PCGF3: variants seen among roughly 807,000 people sequenced by gnomAD.
PCGF3 encodes the protein polycomb group RING finger protein 3.
A neutral mutation model predicts 33.1 loss-of-function variants in PCGF3; 7 were observed. The ratio of observed to expected loss-of-function variants is 0.21; its 90% CI spans 0.12 to 0.40. The LOEUF (loss-of-function observed/expected upper bound fraction) is 0.40. PCGF3 is among the 10% of genes least tolerant of loss of function. PCGF3 has a pLI of 1.00. For synonymous variants in PCGF3, 153 were observed against 121.3 expected, an observed-to-expected ratio of 1.26 and a Z score of -1.72; for missense variants, 211 against 313.3, an observed-to-expected ratio of 0.67 and a Z score of 2.46.
At chr4:764,532 AGGGCTGCTCATG>A (rs1373842745) in intron 9 of PCGF3, 4 of 155,588 alleles carry the variant, frequency 2.6e-5, no homozygotes, top group African/African-American at 7.2e-5. Context: ...CGGAGCTGTC[AGGGCTGCTCATG>A]GGGCTGCAAA....
intron 6 of PCGF3, among the ~76,000 whole-genome samples, chr4:738,831 G>T (rs560062070): frequency 6.6e-6 from 1 of 151,634 alleles, no homozygotes; most frequent in Non-Finnish European, 1.5e-5. Flanking sequence ...TGCACTCCAG[G>T]CTGGGCGACA....
intron 8 of PCGF3, among the ~76,000 whole-genome samples, chr4:760,128 G>A (rs1744968854): frequency 6.6e-6 from 1 of 152,340 alleles, no homozygotes; most frequent in South Asian, 2.1e-4. Flanking sequence ...GGCCTTTAAT[G>A]GGCTGTGCTC....
In PCGF3 at chr4:734,865, G is replaced by A. The variant is rs914372023; in HGVS notation, c.110-66G>A. Reference sequence around the variant, plus strand: ...CTCAGAGACGCCCGTGTTCAGTGGAGCACGCCGATGGGGTGGGCGCCCTGG... The same window carrying A: ...CTCAGAGACGCCCGTGTTCAGTGGAACACGCCGATGGGGTGGGCGCCCTGG... On this transcript the variant is annotated intron_variant, in intron 4 of 10. Transcript: ENST00000362003. 9.6e-6 allele frequency: 15 copies of A among 1,564,286 alleles called. No individual in the cohort carries two copies. The African/African-American group carries it at 1.7e-4, about 18-fold the overall frequency.
rs899256986 is a variant in PCGF3, at chr4:734,302, A to G, written c.109+513A>G. On this transcript the variant is annotated intron_variant, in intron 4 of 10. Transcript: ENST00000362003. ...AGGCTGAGGCTCGGCTCTTATGCTA[A>G]CCTGAGGCCCCATGGCTGGCGGCCC... 105 of 1,448,170 alleles carry G rather than the reference A, an allele frequency of 7.3e-5. No individual in the cohort carries two copies. The African/African-American group carries it at 1.4e-3, about 20-fold the overall frequency. 89.7% of individuals were successfully genotyped at this position (1,448,170 alleles called of 1,614,324 possible).
chr4:752,037 T>C (rs914836899), intron 8 of PCGF3, among the ~76,000 whole-genome samples: 5 of 152,264 alleles, frequency 3.3e-5, no homozygotes, highest in African/African-American at 9.6e-5. Flanking sequence ...CTCACAACGA[T>C]GTCTTCTAAA....
chr4:761,980 C>T lies in PCGF3; in HGVS notation c.600+564C>T, dbSNP rs941446226. 24 of 985,326 alleles carry T rather than the reference C, an allele frequency of 2.4e-5. No homozygotes were observed. The African/African-American group carries it at 3.7e-4, about 15-fold the overall frequency. The allele number at this position is 985,326 out of a possible 1,614,324, so 61.0% of individuals were successfully genotyped here. On this transcript the variant is annotated intron_variant, in intron 9 of 10. Coordinates refer to ENST00000362003, the Ensembl canonical transcript of PCGF3. Reference sequence around the variant, plus strand: ...GGTCTGGTGTCGTTTTTGAAAATCGCTCAGGCTGTGCAGAAATGGACGCAG... The same window carrying T: ...GGTCTGGTGTCGTTTTTGAAAATCGTTCAGGCTGTGCAGAAATGGACGCAG...
intron 5 of PCGF3, among the ~76,000 whole-genome samples, chr4:736,516 T>A (rs1255085723): frequency 1.1e-4 from 16 of 140,438 alleles, no homozygotes; most frequent in African/African-American, 8.2e-5. Context: ...AGGGACGGTG[T>A]CCCCTGAGCG....
chr4:731,275 A>G (rs1283271624), intron 3 of PCGF3, 165 bp downstream of exon 3: 7 of 398,072 alleles, frequency 1.8e-5, no homozygotes, highest in Non-Finnish European at 3.1e-5. Flanking sequence ...TGAGAGTCCA[A>G]GGTCCAGCCA....
intron 8 of PCGF3, among the ~76,000 whole-genome samples, chr4:752,368 CTTTT>C (rs1052751456): frequency 6.6e-6 from 1 of 152,240 alleles, no homozygotes; most frequent in East Asian, 1.9e-4. Context: ...TTGCTCTCAT[CTTTT>C]TTTAAGTATA....
At chr4:722,053 C>G (rs558338550) in intron 1 of PCGF3, among the ~76,000 whole-genome samples, 10 of 152,190 alleles carry the variant, frequency 6.6e-5, no homozygotes, top group Admixed American at 1.3e-4. Context: ...CGGAGCACAT[C>G]GCGTAGTGCA....
chr4:753,339 C>G (rs1744610287), intron 8 of PCGF3, among the ~76,000 whole-genome samples: 1 of 152,148 alleles, frequency 6.6e-6, no homozygotes, highest in South Asian at 2.1e-4. Flanking sequence ...AGCCACTGTA[C>G]CTGGCCTAGA....
At position 734,103 on chromosome 4, in the gene PCGF3, C is replaced by G. The variant is rs775736971; in HGVS notation, c.109+314C>G. ...CTCACTGCTGGCAGTTTCCAAATCT[C>G]CAGAGGAGTTCCTTAGATCCTTCAA... On this transcript the variant is annotated intron_variant, in intron 4 of 10. Transcript: ENST00000362003. 5 of 1,550,704 alleles carry G rather than the reference C, an allele frequency of 3.2e-6. No homozygotes were observed. In the South Asian group the frequency reaches 5.9e-5, roughly 18 times the overall value.
intron 1 of PCGF3, among the ~76,000 whole-genome samples, chr4:715,955 G>A (rs1245685408): frequency 5.2e-5 from 6 of 116,492 alleles, no homozygotes; most frequent in South Asian, 6.8e-4. Context: ...AGAACTGGGC[G>A]TCGGTGCTGG....
intron 8 of PCGF3, among the ~76,000 whole-genome samples, chr4:759,887 G>C (rs1395022555): frequency 1.0e-5 from 1 of 98,244 alleles, no homozygotes; most frequent in Admixed American, 9.7e-5. Context: ...CGGACTCCGG[G>C]TCTTTCTCCC....
At chr4:763,883 T>C (rs919456623) in intron 9 of PCGF3, among the ~76,000 whole-genome samples, 1 of 152,114 alleles carries the variant, frequency 6.6e-6, no homozygotes, top group African/African-American at 2.4e-5. Flanking sequence ...TGAAAAGAAA[T>C]GAGCAGTCGG....
At chr4:763,746 C>G (rs1055296297) in intron 9 of PCGF3, among the ~76,000 whole-genome samples, 3 of 152,234 alleles carry the variant, frequency 2.0e-5, no homozygotes, top group Non-Finnish European at 2.9e-5. Flanking sequence ...CACACAAAAA[C>G]CTGCACCCGG....
chr4:744,723 G>C, intron 8 of PCGF3, 35 bp downstream of exon 8: 1 of 914,260 alleles, frequency 1.1e-6, no homozygotes, highest in Non-Finnish European at 1.7e-6. Context: ...CAGTGTTAGT[G>C]TTCGCCGTGG....
intron 8 of PCGF3, chr4:757,823 T>C (rs1279469202): frequency 6.6e-6 from 1 of 152,266 alleles, no homozygotes; most frequent in Non-Finnish European, 1.5e-5. Flanking sequence ...GTATAAGCTC[T>C]ACTTCTGTTA....
chr4:757,362 G>C (rs1375378323), intron 8 of PCGF3: 1 of 152,258 alleles, frequency 6.6e-6, no homozygotes, highest in Admixed American at 6.5e-5. Context: ...TGAGGGCAGG[G>C]TGCGTCCGCT....
Sources: gnomAD v4.1 joint callset for allele counts (sites outside exome capture counted in the v4.1 genomes callset) on GRCh38, gnomAD v4.1.1 for gene constraint, MANE v1.5 for transcripts, NCBI Gene and HGNC (gene_info 2026-07-23, HGNC 2026-07-21) for gene names.